Variants in TMEM209 observed in about 807,000 individuals in gnomAD.
TMEM209 encodes transmembrane protein 209.
A neutral mutation model predicts 76.2 loss-of-function variants in TMEM209; 65 were observed. The observed-to-expected ratio is 0.85, with a 90% CI of 0.70 to 1.05. TMEM209 has a LOEUF of 1.05. Ranked by LOEUF, TMEM209 falls within the 50% of genes least tolerant of loss-of-function variation. The pLI is 0.00. For synonymous variants in TMEM209, 239 were observed against 237.6 expected, an observed-to-expected ratio of 1.01 and a Z score of -0.06; for missense variants, 623 against 685.5, an observed-to-expected ratio of 0.91 and a Z score of 1.02.
intron 10 of TMEM209, among the ~76,000 whole-genome samples, chr7:130,177,176 C>G (rs1158497219): frequency 6.6e-6 from 1 of 151,602 alleles, no homozygotes; most frequent in African/African-American, 2.4e-5. Flanking sequence ...CATGGTGAAA[C>G]CCCATCTCTA....
intron 8 of TMEM209, among the ~76,000 whole-genome samples, chr7:130,182,987 A>G (rs1797473920): frequency 6.6e-6 from 1 of 152,214 alleles, no homozygotes; most frequent in African/African-American, 2.4e-5. Context: ...GTTATAAATT[A>G]TACGGTACAG....
intron 5 of TMEM209, among the ~76,000 whole-genome samples, chr7:130,195,631 G>GA (rs36103171): frequency 1.2e-3 from 174 of 147,166 alleles, no homozygotes; most frequent in African/African-American, 3.4e-3. Flanking sequence ...AAGTTATTTG[G>GA]AAAAAAAAAA....
chr7:130,201,887 G>A lies in TMEM209; in HGVS notation c.536C>T (p.Pro179Leu). 1 of 1,613,914 alleles carries A rather than the reference G, an allele frequency of 6.2e-7. No individual in the cohort carries two copies. Among genetic ancestry groups the A allele is most frequent in the South Asian group, 1.1e-5 (1 of 91,070 alleles). ...ACTGACGGGCGAGTAGGTCACTCCA[G>A]GGCTATAAGAACCACTGCCACCTGA... The part of the protein sequence containing the change: ...LSSGGSGSYS[P>L]GVTYSPVSGY... The change falls in exon 5 of 15, where the codon CCT (proline) becomes CTT (leucine). Residue 179 changes from proline to leucine, a missense_variant. Physicochemically the swap from Pro to Leu is moderately conservative, Grantham distance 98. Coordinates refer to ENST00000397622, the MANE Select transcript of TMEM209 (RefSeq NM_032842.4).
intron 10 of TMEM209, among the ~76,000 whole-genome samples, chr7:130,177,047 A>C (rs1333522517): frequency 2.8e-5 from 4 of 143,850 alleles, no homozygotes; most frequent in Non-Finnish European, 4.7e-5. Flanking sequence ...AAAAAAAAAA[A>C]ATTATATTAA....
intron 5 of TMEM209, among the ~76,000 whole-genome samples, chr7:130,194,828 TA>T (rs1444574215): frequency 2.6e-5 from 4 of 152,196 alleles, no homozygotes; most frequent in Non-Finnish European, 5.9e-5. Flanking sequence ...ACATTTATAA[TA>T]TTTTTCTATT....
intron 7 of TMEM209, among the ~76,000 whole-genome samples, chr7:130,184,780 G>C (rs1797539195): frequency 6.6e-6 from 1 of 152,286 alleles, no homozygotes. Flanking sequence ...GTGAGCCACT[G>C]TGCCCAGCCC....
chr7:130,172,520 A>T (rs934223584), intron 13 of TMEM209, among the ~76,000 whole-genome samples: 35 of 151,594 alleles, frequency 2.3e-4, no homozygotes, highest in Non-Finnish European at 1.3e-4. Flanking sequence ...TTTTTTTTGT[A>T]TTTTTAGTAG....
intron 5 of TMEM209, 100 bp downstream of exon 5, chr7:130,201,748 ACT>A: frequency 1.4e-6 from 2 of 1,425,066 alleles, no homozygotes; most frequent in Non-Finnish European, 1.9e-6. Flanking sequence ...GGGCAAATCA[ACT>A]CTCAGTTTGC....
chr7:130,170,046 G>A (rs551505748), intron 14 of TMEM209, among the ~76,000 whole-genome samples: 5 of 152,104 alleles, frequency 3.3e-5, no homozygotes, highest in African/African-American at 1.2e-4. Context: ...TAAACACTTC[G>A]CAGAATGCTT....
chr7:130,173,585 A>T, intron 13 of TMEM209, 47 bp downstream of exon 13: 1 of 1,410,986 alleles, frequency 7.1e-7, no homozygotes, highest in Admixed American at 2.2e-5. Context: ...CATCCAAGCA[A>T]ATCACCCAAG....
In TMEM209 at chr7:130,175,579, A is replaced by C. The variant is rs772489480; in HGVS notation, c.1277T>G (p.Phe426Cys). 1 of 1,613,318 alleles carries C rather than the reference A, an allele frequency of 6.2e-7. No individual in the cohort carries two copies. Among genetic ancestry groups the C allele is most frequent in the East Asian group, 2.2e-5 (1 of 44,878 alleles). Residue 426 changes from phenylalanine (F) to cysteine (C), a missense_variant, in exon 11 of 15, where the codon TTT becomes TGT. By Grantham distance (205) the Phe-to-Cys change is radical. Transcript: ENST00000397622. Reference sequence around the variant, plus strand: ...GAAGTCGCCACCTCTGTTCCATCGAAATGAGCTCATACAACCTCCCTGAGA... The same window carrying C: ...GAAGTCGCCACCTCTGTTCCATCGACATGAGCTCATACAACCTCCCTGAGA... ...ELSQGGCMSS[F>C]RWNRGGDFKG...
At chr7:130,189,472 C>T (rs1218105640) in intron 6 of TMEM209, among the ~76,000 whole-genome samples, 1 of 152,164 alleles carries the variant, frequency 6.6e-6, no homozygotes, top group Non-Finnish European at 1.5e-5. Context: ...GCTGGGATTA[C>T]AAGCGTGAGC....
Position 130,173,730 on chromosome 7 carries a change from C to G in TMEM209, c.1460-1G>C, listed in dbSNP as rs548661052. 6.2e-7 allele frequency: 1 copy of G among 1,613,384 alleles called. No individual in the cohort carries two copies. Among genetic ancestry groups the G allele is most frequent in the South Asian group, 1.1e-5 (1 of 91,034 alleles). ...CAAAAAACATTCTCATTTGTAACAT[C>G]TGTAAAGGAAGGCAATATGCTGCAT... is the stretch of plus-strand genomic sequence containing the variant. On this transcript the variant is annotated splice_acceptor_variant, in intron 12 of 14. Coordinates refer to ENST00000397622, the MANE Select transcript of TMEM209 (RefSeq NM_032842.4). LOFTEE classifies it high-confidence loss of function.
chr7:130,199,439 C>A (rs1798110425), intron 5 of TMEM209, among the ~76,000 whole-genome samples: 2 of 152,152 alleles, frequency 1.3e-5, no homozygotes, highest in African/African-American at 4.8e-5. Flanking sequence ...CCAGGATGGT[C>A]TTGATCTCCT....
In TMEM209 at chr7:130,170,383, A is replaced by C. The variant is rs1181973621; in HGVS notation, c.1631+17T>G. On this transcript the variant is annotated intron_variant, in intron 14 of 14. Coordinates refer to ENST00000397622, the MANE Select transcript of TMEM209 (RefSeq NM_032842.4). ...TCAGTAAATAACTACTTACGTTTTT[A>C]AAGCATAAGTACCTACCCAAGCATT... 2 of 1,594,264 alleles carry C rather than the reference A, an allele frequency of 1.3e-6. No individual in the cohort carries two copies. Among genetic ancestry groups the C allele is most frequent in the Non-Finnish European group, 1.7e-6 (2 of 1,170,218 alleles).
At position 130,203,829 on chromosome 7, in the gene TMEM209, C is replaced by T. The variant is rs1798310640; in HGVS notation, c.158G>A (p.Ser53Asn). Reference sequence around the variant, plus strand: ...CCAGTATGTCACATTGTAGTATGAACTAATCAATTTTCCAGTCCTGAAAAA... The same window carrying T: ...CCAGTATGTCACATTGTAGTATGAATTAATCAATTTTCCAGTCCTGAAAAA... The part of the protein sequence containing the change: ...IYTEMTGKLI[S>N]SYYNVTYWPL... The change falls in exon 3 of 15, where the codon AGT becomes AAT. Residue 53 changes from serine to asparagine, a missense_variant. Physicochemically the swap from Ser to Asn is conservative, Grantham distance 46. Transcript: ENST00000397622. 6.2e-7 allele frequency: 1 copy of T among 1,602,798 alleles called. No individual in the cohort carries two copies. The highest frequency in any genetic ancestry group is 1.1e-5 in the South Asian group (1 of 89,348).
chr7:130,176,971 C>A (rs995781125), intron 10 of TMEM209, among the ~76,000 whole-genome samples: 4 of 149,370 alleles, frequency 2.7e-5, no homozygotes, highest in Non-Finnish European at 5.9e-5. Flanking sequence ...GAGCTATACA[C>A]TCCTGCACTA....
chr7:130,202,796 A>T, intron 3 of TMEM209, 133 bp from the exon 4 acceptor site: 2 of 1,100,654 alleles, frequency 1.8e-6, no homozygotes, highest in Non-Finnish European at 1.2e-6. Context: ...AATGAATGTT[A>T]TGTGTAGGGT....
At chr7:130,169,739 C>CTT (rs966855409) in intron 14 of TMEM209, among the ~76,000 whole-genome samples, 2 of 148,238 alleles carry the variant, frequency 1.3e-5, no homozygotes, top group Non-Finnish European at 3.0e-5. Flanking sequence ...CCCATCCCCC[C>CTT]TTTTTTTTTT....
Sources: gnomAD v4.1 joint callset for allele counts (sites outside exome capture counted in the v4.1 genomes callset) on GRCh38, gnomAD v4.1.1 for gene constraint, MANE v1.5 for transcripts, NCBI Gene and HGNC (gene_info 2026-07-23, HGNC 2026-07-21) for gene names.